Variants in PALM3 observed in about 807,000 individuals in gnomAD.
The protein encoded by PALM3 is paralemmin 3.
PALM3 carries 20 observed loss-of-function variants against 27.9 expected under a neutral mutation model. The observed-to-expected ratio is 0.72, with a 90% confidence interval of 0.50 to 1.04. The LOEUF (loss-of-function observed/expected upper bound fraction) is 1.04. PALM3 is among the 50% of genes least tolerant of loss of function. PALM3 has a pLI of 0.00. For missense variants in PALM3, 814 were observed against 869.4 expected (o/e 0.94, Z 0.80); for synonymous variants, 328 against 352.7 (o/e 0.93, Z 0.79).
rs370078650 is a variant in PALM3, at chr19:14,054,311, C to T, written c.1361G>A (p.Ser454Asn). Residue 454 changes from serine to asparagine, a missense_variant, in exon 7 of 7, where the codon AGT (serine) becomes AAT (asparagine). Coordinates refer to ENST00000669674, the MANE Select transcript of PALM3 (RefSeq NM_001145028.2). Reference sequence around the variant, plus strand: ...CCTCTCTGTTCCCAGCTTTTCTGCACTTCCTCTGCTCTCCAGCTCCAACTT... The same window carrying T: ...CCTCTCTGTTCCCAGCTTTTCTGCATTTCCTCTGCTCTCCAGCTCCAACTT... The part of the protein sequence containing the change: ...EKKLELESRG[S>N]AEKLGTEREG... 2.3e-5 allele frequency: 36 copies of T among 1,552,168 alleles called. No homozygotes were observed. The African/African-American group carries it at 4.2e-4, about 18-fold the overall frequency.
rs1034931266 is a variant in PALM3 at position 14,054,609 on chromosome 19, A to G, written c.1063T>C (p.Ser355Pro). The G allele has an allele frequency of 6.4e-7, 1 of 1,551,550 alleles. No homozygotes were observed. The highest frequency in any genetic ancestry group is 2.4e-5 in the East Asian group (1 of 40,904). ...GTCACTCTCTCCACCCAAATGAAGG[A>G]TCCCTCCTCTCCTCCAGAGCCTCCC... ...GQGGSGGEEG[S>P]FIWVERVTLS... Residue 355 changes from serine to proline, a missense_variant, in exon 7 of 7, where the codon TCC becomes CCC. Coordinates refer to ENST00000669674, the MANE Select transcript of PALM3 (RefSeq NM_001145028.2).
Position 14,054,866 on chromosome 19 carries a change from T to C in PALM3, c.806A>G (p.Asp269Gly). The C allele has an allele frequency of 6.5e-7, 1 of 1,549,208 alleles. No homozygotes were observed. Among genetic ancestry groups the C allele is most frequent in the Non-Finnish European group, 8.7e-7 (1 of 1,146,560 alleles). The change falls in exon 7 of 7, where the codon GAC becomes GGC. Residue 269 changes from aspartate to glycine, a missense_variant. Asp to Gly is a moderately conservative substitution (Grantham distance 94). Coordinates refer to ENST00000669674, the MANE Select transcript of PALM3 (RefSeq NM_001145028.2). ...VEEVVLEAIG[D>G]RKGAGSLELP... ...CTCCAGGCTACCAGCTCCCTTCCTG[T>C]CTCCGATGGCTTCCAGCACCACTTC...
intron 2 of PALM3, 21 bp from the exon 3 acceptor site, chr19:14,057,452 GC>G: frequency 6.6e-7 from 1 of 1,510,578 alleles, no homozygotes; most frequent in Non-Finnish European, 8.9e-7. Context: ...AGGACCCGGA[GC>G]TGCCCGCCGG....
intron 1 of PALM3, among the ~76,000 whole-genome samples, chr19:14,059,963 C>T (rs550225801): frequency 6.6e-6 from 1 of 152,152 alleles, no homozygotes; most frequent in Non-Finnish European, 1.5e-5. Flanking sequence ...TCTGGACCCA[C>T]TTAGGCTCCC....
chr19:14,053,722 ACTGGGGTTGGCG>A lies in PALM3; in HGVS notation c.1938_1949del (p.Asn648_Ala651del), dbSNP rs1211785597. 6 of 1,524,506 alleles carry A rather than the reference ACTGGGGTTGGCG, an allele frequency of 3.9e-6. No individual in the cohort carries two copies. The highest frequency in any genetic ancestry group is 5.3e-6 in the Non-Finnish European group (6 of 1,134,916). 94.4% of individuals were successfully genotyped at this position (1,524,506 alleles called of 1,614,324 possible). ...GCGCGTAGGTGGGCACAGGGTGGGC[ACTGGGGTTGGCG>A]CTGGGCCCCTCCCCCTGAAGCAGTG... On this transcript the variant is annotated inframe_deletion, in exon 7 of 7. Coordinates refer to ENST00000669674, the MANE Select transcript of PALM3 (RefSeq NM_001145028.2).
chr19:14,055,017 G>T lies in PALM3; in HGVS notation c.655C>A (p.Pro219Thr). ...PEQGLSQRAV[P>T]SEGRVGEAKG... Reference sequence around the variant, plus strand: ...GCCTCACCCACCCGCCCTTCGGATGGCACTGCCCTCTGACTTAGCCCCTGC... The same window carrying T: ...GCCTCACCCACCCGCCCTTCGGATGTCACTGCCCTCTGACTTAGCCCCTGC... Residue 219 changes from proline to threonine, a missense_variant, in exon 7 of 7, where the codon CCA (proline) becomes ACA (threonine). Physicochemically the swap from Pro to Thr is conservative, Grantham distance 38. Coordinates refer to ENST00000669674, the MANE Select transcript of PALM3 (RefSeq NM_001145028.2). The T allele has an allele frequency of 6.5e-7, 1 of 1,549,720 alleles. No homozygotes were observed. Among genetic ancestry groups the T allele is most frequent in the Non-Finnish European group, 8.7e-7 (1 of 1,146,014 alleles).
At chr19:14,056,378 G>A in intron 5 of PALM3, 51 bp downstream of exon 5, 5 of 1,478,378 alleles carry the variant, frequency 3.4e-6, no homozygotes, top group Non-Finnish European at 3.7e-6. Flanking sequence ...GTCCTGCCTT[G>A]AGGCCTGCTG....
At position 14,054,023 on chromosome 19, in the gene PALM3, T is replaced by G. The variant is rs767462098; in HGVS notation, c.1649A>C (p.Glu550Ala). ...SLETEKTQGT[E>A]GDLNLEQGSR... ...CCCTTGTTCTAGATTCAGATCTCCC[T>G]CCGTCCCTTGGGTCTTCTCTGTCTC... The change falls in exon 7 of 7, where the codon GAG becomes GCG. Residue 550 changes from glutamate (E) to alanine (A), a missense_variant. Glu to Ala is a moderately radical substitution (Grantham distance 107). Transcript: ENST00000669674. 6.4e-7 allele frequency: 1 copy of G among 1,551,624 alleles called. No homozygotes were observed. The highest frequency in any genetic ancestry group is 1.4e-5 in the African/African-American group (1 of 72,998).
chr19:14,058,594 G>A lies in PALM3; in HGVS notation c.90+521C>T, dbSNP rs577905400. Among the ~76,000 whole-genome samples, 31 of 151,942 alleles carry A rather than the reference G, an allele frequency of 2.0e-4. No individual in the cohort carries two copies. The South Asian group carries it at 6.4e-3, about 32-fold the overall frequency. On this transcript the variant is annotated intron_variant, in intron 2 of 6. Coordinates refer to ENST00000669674, the MANE Select transcript of PALM3 (RefSeq NM_001145028.2). ...ATACAGAGATAGGGGTCAGAAATAT[G>A]GGGTACAGAGGTGGAGGTATGGATA... is the stretch of plus-strand genomic sequence containing the variant.
In PALM3 at chr19:14,054,520, C is replaced by T. The variant is rs1321938127; in HGVS notation, c.1152G>A (p.Arg384=). 1 of 1,551,332 alleles carries T rather than the reference C, an allele frequency of 6.4e-7. No homozygotes were observed. The highest frequency in any genetic ancestry group is 1.7e-4 in the Middle Eastern group (1 of 5,990). Residue 384 remains arginine, a synonymous_variant, in exon 7 of 7, where the codon AGG becomes AGA. Coordinates refer to ENST00000669674, the MANE Select transcript of PALM3 (RefSeq NM_001145028.2). ...EGLEGPEVAG[R]ERGDESPLGA... is the part of the protein sequence containing the mutation. ...CCAGCGGGCTTTCATCTCCTCTCTC[C>T]CTCCCTGCCACCTCGGGCCCTTCCA... is the stretch of plus-strand genomic sequence containing the variant.
chr19:14,061,284 T>C (rs1976410135), intron 1 of PALM3, among the ~76,000 whole-genome samples: 1 of 152,152 alleles, frequency 6.6e-6, no homozygotes, highest in Non-Finnish European at 1.5e-5. Context: ...GGAACCGAAT[T>C]GGGGTCCCTA....
chr19:14,061,524 C>A (rs576850758), intron 1 of PALM3, among the ~76,000 whole-genome samples: 62 of 152,272 alleles, frequency 4.1e-4, no homozygotes, highest in African/African-American at 1.4e-3. Context: ...TGCAATGTTG[C>A]CATTGTCTTT....
intron 5 of PALM3, 124 bp downstream of exon 5, chr19:14,056,305 C>T (rs775341051): frequency 1.4e-4 from 136 of 945,182 alleles, no homozygotes; most frequent in Admixed American, 3.0e-4. Context: ...AAGCGGGAAG[C>T]GGATCTGAAT....
chr19:14,055,182 C>T lies in PALM3; in HGVS notation c.490G>A (p.Val164Met), dbSNP rs1053046590. ...GAGGGGGACTCTGGAGGCGTGCCCA[C>T]TAGTCCAGCCGGCAGGGAGGCTCTC... ...NKRASLPAGL[V>M]GTPPESPSEP... The change falls in exon 7 of 7, where the codon GTG becomes ATG. Residue 164 changes from valine (V) to methionine (M), a missense_variant. Val to Met is a conservative substitution (Grantham distance 21). Coordinates refer to ENST00000669674, the MANE Select transcript of PALM3 (RefSeq NM_001145028.2). 8 of 1,543,096 alleles carry T rather than the reference C, an allele frequency of 5.2e-6. No homozygotes were observed. The highest frequency in any genetic ancestry group is 2.0e-5 in the Admixed American group (1 of 50,152).
chr19:14,057,465 C>T lies in PALM3; in HGVS notation c.91-34G>A, dbSNP rs771168396. 1.3e-5 allele frequency: 20 copies of T among 1,492,550 alleles called. 1 individual carries two copies. In the South Asian group the frequency reaches 2.2e-4, roughly 17 times the overall value. The allele number at this position is 1,492,550 out of a possible 1,614,324, so 92.5% of individuals were successfully genotyped here. A position where few individuals can be genotyped will look rare whatever the true frequency, so the allele number is the denominator to read the frequency against. On this transcript the variant is annotated intron_variant, in intron 2 of 6. Coordinates refer to ENST00000669674, the MANE Select transcript of PALM3 (RefSeq NM_001145028.2). ...AGAGGACCCGGAGCTGCCCGCCGGCCGGGCGCGGCCTCCACCACCTCCTCT... is the reference window on the plus strand; with the variant it reads ...AGAGGACCCGGAGCTGCCCGCCGGCTGGGCGCGGCCTCCACCACCTCCTCT...
chr19:14,058,640 G>T (rs1302266745), intron 2 of PALM3, among the ~76,000 whole-genome samples: 1 of 151,662 alleles, frequency 6.6e-6, no homozygotes. Flanking sequence ...GTAAGTGCGT[G>T]CGGAAAGTTG....
In PALM3 at chr19:14,053,694, C is replaced by G. The variant is rs1175109617; in HGVS notation, c.1978G>C (p.Ala660Pro). ...SAHPVPTYAPARQPEPSAPTE... is the reference protein window; with the variant it reads ...SAHPVPTYAPPRQPEPSAPTE... ...GGGGCAGATGGCTCAGGCTGCCGGG[C>G]AGGCGCGTAGGTGGGCACAGGGTGG... Residue 660 changes from alanine (A) to proline (P), a missense_variant, in exon 7 of 7, where the codon GCC becomes CCC. Physicochemically the swap from Ala to Pro is conservative, Grantham distance 27. Transcript: ENST00000669674. 1 of 1,492,124 alleles carries G rather than the reference C, an allele frequency of 6.7e-7. No homozygotes were observed. The allele number at this position is 1,492,124 out of a possible 1,614,324, so 92.4% of individuals were successfully genotyped here. A position where few individuals can be genotyped will look rare whatever the true frequency, so the allele number is the denominator to read the frequency against.
chr19:14,053,812 G>A lies in PALM3; in HGVS notation c.1860C>T (p.Ala620=), dbSNP rs771822564. 35 of 1,548,066 alleles carry A rather than the reference G, an allele frequency of 2.3e-5. No individual in the cohort carries two copies. Among genetic ancestry groups the A allele is most frequent in the Non-Finnish European group, 2.9e-5 (33 of 1,145,306 alleles). Residue 620 remains alanine (A), a synonymous_variant, in exon 7 of 7, where the codon GCC becomes GCT. Coordinates refer to ENST00000669674, the MANE Select transcript of PALM3 (RefSeq NM_001145028.2). ...CTGGGGTCTCTGCCAGAAGAGGTGT[G>A]GCATCCCCCAAGGGGCCTTGGCCCT... ...AAEGQGPLGD[A]TPLLAETPAP...
rs1976230495 is a variant in PALM3, at chr19:14,053,732, G to A, written c.1940C>T (p.Ala647Val). The A allele has an allele frequency of 6.5e-7, 1 of 1,529,878 alleles. No homozygotes were observed. The allele number at this position is 1,529,878 out of a possible 1,614,324, so 94.8% of individuals were successfully genotyped here. Residue 647 changes from alanine to valine, a missense_variant, in exon 7 of 7, where the codon GCC becomes GTC. Physicochemically the swap from Ala to Val is moderately conservative, Grantham distance 64. Transcript: ENST00000669674. The stretch of plus-strand genomic sequence containing the variant: ...GGGCACAGGGTGGGCACTGGGGTTG[G>A]CGCTGGGCCCCTCCCCCTGAAGCAG... The part of the protein sequence containing the change: ...QPLLQGEGPS[A>V]NPSAHPVPTY...
Sources: allele counts gnomAD v4.1 joint callset (sites outside exome capture counted in the v4.1 genomes callset), GRCh38; gene constraint gnomAD v4.1.1; transcripts MANE v1.5; gene names NCBI Gene and HGNC (gene_info 2026-07-23, HGNC 2026-07-21).